The following IQCK variants were observed in gnomAD, a reference collection of about 807,000 sequenced individuals.
IQCK encodes IQ domain-containing protein K.
IQCK carries 29 observed loss-of-function variants against 28.1 expected under a neutral mutation model. That is an observed-to-expected ratio of 1.03 (90% CI 0.77 to 1.41). The LOEUF is 1.41. Ranked by LOEUF, IQCK falls within the 40% of genes most tolerant of loss-of-function variation. The probability of loss-of-function intolerance (pLI) is 0.00; values close to 1 mark genes in which losing one functional copy is unlikely to be tolerated. For missense variants in IQCK, 359 were observed against 314.7 expected (o/e 1.14, Z -1.07); for synonymous variants, 113 against 115.1 (o/e 0.98, Z 0.12).
intron 6 of IQCK, among the ~76,000 whole-genome samples, chr16:19,772,619 G>A (rs964737257): frequency 6.6e-6 from 1 of 152,268 alleles, no homozygotes; most frequent in East Asian, 1.9e-4. Flanking sequence ...ATGGAGAACA[G>A]TATAATTGAA....
chr16:19,734,490 A>G (rs976621277), intron 3 of IQCK, among the ~76,000 whole-genome samples: 2 of 145,400 alleles, frequency 1.4e-5, no homozygotes, highest in Non-Finnish European at 3.0e-5. Flanking sequence ...TTATCCAGGC[A>G]TGGTGGTGCA....
At chr16:19,765,221 CAAAAAAAAAAAAAA>C (rs756571642) in intron 6 of IQCK, among the ~76,000 whole-genome samples, 4 of 62,958 alleles carry the variant, frequency 6.4e-5, no homozygotes, top group African/African-American at 2.2e-4. Context: ...GACTCCATCT[CAAAAAAAAAAAAAA>C]AAAAAAATCA....
At chr16:19,735,635 G>A in intron 4 of IQCK, 185 bp downstream of exon 4, 1 of 582,876 alleles carries the variant, frequency 1.7e-6, no homozygotes, top group South Asian at 2.0e-5. Context: ...TACATGCGCT[G>A]CCATCTGTCT....
chr16:19,843,138 C>T (rs1291070502), intron 9 of IQCK, among the ~76,000 whole-genome samples: 2 of 152,164 alleles, frequency 1.3e-5, no homozygotes, highest in Non-Finnish European at 2.9e-5. Flanking sequence ...GTGGGTGATT[C>T]TGTCTCACCG....
intron 1 of IQCK, among the ~76,000 whole-genome samples, chr16:19,727,585 A>ACCCCCCC (rs10609957): frequency 8.1e-6 from 1 of 122,952 alleles, no homozygotes; most frequent in African/African-American, 2.8e-5. Context: ...AGACTTTGTC[A>ACCCCCCC]CCCCCCCCCC....
chr16:19,844,358 T>A (rs1472948574), intron 9 of IQCK, among the ~76,000 whole-genome samples: 1 of 152,160 alleles, frequency 6.6e-6, no homozygotes, highest in Non-Finnish European at 1.5e-5. Context: ...GGATTACAGA[T>A]GTGAGCCACT....
At chr16:19,754,813 T>C (rs1248917199) in intron 4 of IQCK, among the ~76,000 whole-genome samples, 3 of 152,128 alleles carry the variant, frequency 2.0e-5, no homozygotes, top group Non-Finnish European at 4.4e-5. Context: ...TACCATCAGC[T>C]TTTGTTCGAA....
intron 6 of IQCK, among the ~76,000 whole-genome samples, chr16:19,784,889 C>T (rs1015314054): frequency 3.3e-5 from 5 of 152,212 alleles, no homozygotes; most frequent in Non-Finnish European, 4.4e-5. Flanking sequence ...CTGCCTCACC[C>T]TCCCAAGTAG....
intron 9 of IQCK, among the ~76,000 whole-genome samples, chr16:19,836,566 A>G (rs1021698668): frequency 6.6e-6 from 1 of 152,126 alleles, no homozygotes; most frequent in Non-Finnish European, 1.5e-5. Context: ...CATGAGCTTC[A>G]TCTCTGATGT....
intron 7 of IQCK, among the ~76,000 whole-genome samples, chr16:19,824,558 A>C (rs752780892): frequency 1.5e-4 from 23 of 152,222 alleles, no homozygotes; most frequent in Non-Finnish European, 3.1e-4. Context: ...TAATAGTTAG[A>C]GAGCTGAGTC....
intron 6 of IQCK, among the ~76,000 whole-genome samples, chr16:19,775,226 CAA>C (rs1269665221): frequency 0.073 from 6,011 of 82,340 alleles, 395 homozygotes; most frequent in African/African-American, 0.19. Flanking sequence ...GACTCTGTAT[CAA>C]AAAAAAAAAA....
At chr16:19,730,723 ATCTGTCTG>A (rs1555513796) in intron 2 of IQCK, among the ~76,000 whole-genome samples, 6 of 150,150 alleles carry the variant, frequency 4.0e-5, no homozygotes, top group Admixed American at 6.6e-5. Context: ...CTGTCTATCT[ATCTGTCTG>A]TCTGTCTGTC....
intron 4 of IQCK, among the ~76,000 whole-genome samples, chr16:19,749,023 TA>T (rs1309597170): frequency 6.6e-6 from 1 of 152,178 alleles, no homozygotes; most frequent in Non-Finnish European, 1.5e-5. Context: ...GAATGTATCT[TA>T]AAGTAAATCA....
intron 1 of IQCK, 85 bp downstream of exon 1, chr16:19,718,572 T>C (rs530110106): frequency 1.2e-5 from 15 of 1,270,620 alleles, no homozygotes; most frequent in African/African-American, 9.4e-5. Flanking sequence ...TGTGCGCCTG[T>C]CGGCTGACGG....
intron 6 of IQCK, among the ~76,000 whole-genome samples, chr16:19,782,219 T>C (rs1015071611): frequency 6.7e-6 from 1 of 150,340 alleles, no homozygotes; most frequent in Non-Finnish European, 1.5e-5. Flanking sequence ...ACTTAATCTC[T>C]TAGTTAATGA....
At chr16:19,829,525 C>T (rs548677923), downstream of IQCK, among the ~76,000 whole-genome samples, 4 of 151,920 alleles carry the variant, frequency 2.6e-5, no homozygotes, top group Middle Eastern at 3.4e-3. Context: ...TTCGTAGAGA[C>T]GGGGTTTCAC....
At chr16:19,750,652 G>A (rs1054186629) in intron 4 of IQCK, among the ~76,000 whole-genome samples, 4 of 151,066 alleles carry the variant, frequency 2.6e-5, no homozygotes, top group Non-Finnish European at 5.9e-5. Context: ...AGTAGAGACG[G>A]GGTTTCACCA....
At chr16:19,817,125 T>C (rs2141075172) in intron 7 of IQCK, among the ~76,000 whole-genome samples, 1 of 152,252 alleles carries the variant, frequency 6.6e-6, no homozygotes, top group Middle Eastern at 3.4e-3. Context: ...TTAAAAAAAC[T>C]GACATAAATA....
intron 4 of IQCK, among the ~76,000 whole-genome samples, chr16:19,757,259 A>G (rs552347602): frequency 4.0e-4 from 61 of 152,296 alleles, no homozygotes; most frequent in African/African-American, 1.4e-3. Context: ...ATGCAGATTC[A>G]ATTGCTTTTT....
Sources: allele counts gnomAD v4.1 joint callset (sites outside exome capture counted in the v4.1 genomes callset), GRCh38; gene constraint gnomAD v4.1.1; transcripts MANE v1.5; gene names NCBI Gene and HGNC (gene_info 2026-07-23, HGNC 2026-07-21).